CSMD1: variants seen among roughly 807,000 people sequenced by gnomAD.
The protein encoded by CSMD1 is CUB and sushi domain-containing protein 1.
In CSMD1, 213 loss-of-function variants were observed where a neutral mutation model predicts 417.5. That is an observed-to-expected ratio of 0.51 (90% confidence interval 0.46 to 0.57). The LOEUF (loss-of-function observed/expected upper bound fraction) is 0.57, where lower values mean the gene tolerates loss of function less well. Ranked by LOEUF, CSMD1 falls within the 20% of genes least tolerant of loss-of-function variation. CSMD1 has a pLI of 0.00. For missense variants in CSMD1, 6,923 were observed against 4,529.7 expected, an observed-to-expected ratio of 1.53 and a Z score of -15.17; for synonymous variants, 2,862 against 1,736.8, an observed-to-expected ratio of 1.65 and a Z score of -16.11.
At chr8:3,810,798 C>G (rs1205019121) in intron 5 of CSMD1, among the ~76,000 whole-genome samples, 4 of 152,276 alleles carry the variant, frequency 2.6e-5, no homozygotes, top group South Asian at 2.1e-4. Flanking sequence ...GGCACATCAT[C>G]AGGCTGACCT....
At position 4,312,410 on chromosome 8, in the gene CSMD1, T is replaced by TATATACGTACGCATATATATATATATAC. The variant is rs1563435181; in HGVS notation, c.415+107542_415+107543insGTATATATATATATATGCGTACGTATAT. On this transcript the variant is annotated intron_variant, in intron 3 of 69. Coordinates refer to ENST00000635120, the MANE Select transcript of CSMD1 (RefSeq NM_033225.6). ...ATATATATACATACATATATATGCG[T>TATATACGTACGCATATATATATATATAC]GTATATATATGCGCGTATATATATA... is the stretch of plus-strand genomic sequence containing the variant. Among the ~76,000 whole-genome samples, 18 of 124,598 alleles carry TATATACGTACGCATATATATATATATAC rather than the reference T, an allele frequency of 1.4e-4. 1 individual carries two copies. The highest frequency in any genetic ancestry group is 5.5e-4 in the African/African-American group (11 of 19,948). 81.7% of individuals were successfully genotyped at this position (124,598 alleles called of 152,430 possible). A position where few individuals can be genotyped will look rare whatever the true frequency, so the allele number is the denominator to read the frequency against.
At chr8:3,791,738 G>T (rs182494838) in intron 5 of CSMD1, among the ~76,000 whole-genome samples, 3 of 152,046 alleles carry the variant, frequency 2.0e-5, no homozygotes, top group Admixed American at 6.6e-5. Context: ...CAAGAGAATC[G>T]CTTGAGCCTG....
intron 1 of CSMD1, among the ~76,000 whole-genome samples, chr8:4,781,442 G>A (rs1041605559): frequency 5.9e-5 from 9 of 152,270 alleles, no homozygotes; most frequent in South Asian, 2.1e-4. Flanking sequence ...ATAACTGACC[G>A]TCATCTTATC....
chr8:4,141,584 T>C (rs557695593), intron 3 of CSMD1, among the ~76,000 whole-genome samples: 1 of 151,242 alleles, frequency 6.6e-6, no homozygotes, highest in South Asian at 2.1e-4. Context: ...AACGAGTAAC[T>C]GTACTAAGAA....
intron 2 of CSMD1, among the ~76,000 whole-genome samples, chr8:4,430,232 T>C (rs1797796317): frequency 1.3e-5 from 2 of 152,156 alleles, no homozygotes; most frequent in Admixed American, 6.5e-5. Flanking sequence ...TCTCATGCCA[T>C]GAATACTGGG....
intron 5 of CSMD1, among the ~76,000 whole-genome samples, chr8:3,976,467 G>A (rs543750717): frequency 3.9e-5 from 6 of 152,040 alleles, no homozygotes; most frequent in Admixed American, 1.3e-4. Context: ...GCTGTCTCCC[G>A]GGTCTAGAAG....
rs543685742 is a variant in CSMD1 at position 4,204,134 on chromosome 8, C to T, written c.416-172035G>A. 2.6e-5 allele frequency among the ~76,000 whole-genome samples: 4 copies of T among 152,192 alleles called. No homozygotes were observed. In the East Asian group the frequency reaches 7.7e-4, roughly 29 times the overall value. ...AAACAAAACCTAAAACTTAAAGGAT[C>T]TGTCAGTTTTCAAGTCCTGAAATTC... On this transcript the variant is annotated intron_variant, in intron 3 of 69. Coordinates refer to ENST00000635120, the MANE Select transcript of CSMD1 (RefSeq NM_033225.6).
At chr8:4,635,205 G>GA (rs1265346684) in intron 2 of CSMD1, among the ~76,000 whole-genome samples, 2 of 151,880 alleles carry the variant, frequency 1.3e-5, no homozygotes, top group Admixed American at 6.6e-5. Context: ...GCAAGTAAAA[G>GA]AAAAAAACAT....
At chr8:3,737,648 C>G (rs935015911) in intron 6 of CSMD1, among the ~76,000 whole-genome samples, 4 of 152,016 alleles carry the variant, frequency 2.6e-5, no homozygotes, top group African/African-American at 7.3e-5. Context: ...CCTTGGTTGC[C>G]CCAACAATCC....
intron 5 of CSMD1, among the ~76,000 whole-genome samples, chr8:3,762,766 G>T: frequency 6.6e-6 from 1 of 152,214 alleles, no homozygotes; most frequent in East Asian, 1.9e-4. Flanking sequence ...TTCCCAGAGA[G>T]AGAAAGAGTT....
At chr8:3,468,285 G>T (rs566723985) in intron 12 of CSMD1, among the ~76,000 whole-genome samples, 1 of 152,032 alleles carries the variant, frequency 6.6e-6, no homozygotes, top group Non-Finnish European at 1.5e-5. Context: ...ACAGGCACAG[G>T]GCTTTCATTT....
At chr8:4,694,535 G>T (rs1806992478) in intron 1 of CSMD1, among the ~76,000 whole-genome samples, 1 of 151,328 alleles carries the variant, frequency 6.6e-6, no homozygotes, top group Non-Finnish European at 1.5e-5. Flanking sequence ...TTTTTTGGGG[G>T]GGTATTTTTA....
chr8:4,883,994 T>G (rs1803570585), intron 1 of CSMD1, among the ~76,000 whole-genome samples: 1 of 152,008 alleles, frequency 6.6e-6, no homozygotes, highest in Non-Finnish European at 1.5e-5. Context: ...CTACAATACT[T>G]GCTATTGTCT....
intron 5 of CSMD1, among the ~76,000 whole-genome samples, chr8:3,913,036 C>T (rs187255368): frequency 1.3e-4 from 20 of 152,126 alleles, no homozygotes; most frequent in African/African-American, 4.8e-4. Context: ...TGGAGAGAAT[C>T]GTGACTTTAG....
At chr8:4,029,409 A>T (rs1811888682) in intron 4 of CSMD1, among the ~76,000 whole-genome samples, 1 of 152,218 alleles carries the variant, frequency 6.6e-6, no homozygotes, top group Non-Finnish European at 1.5e-5. Flanking sequence ...GTGGAAGGCA[A>T]GGAGGACCTA....
chr8:4,189,889 T>C (rs1798912857), intron 3 of CSMD1, among the ~76,000 whole-genome samples: 1 of 152,126 alleles, frequency 6.6e-6, no homozygotes. Context: ...CTTGAATCAT[T>C]TCTAAGCCAT....
chr8:4,172,190 C>G (rs1043049999), intron 3 of CSMD1, among the ~76,000 whole-genome samples: 2 of 152,118 alleles, frequency 1.3e-5, no homozygotes, highest in Non-Finnish European at 2.9e-5. Flanking sequence ...ATGAGAAAAA[C>G]TCTACGCCAT....
intron 51 of CSMD1, among the ~76,000 whole-genome samples, chr8:3,021,579 C>G (rs1239093911): frequency 6.6e-6 from 1 of 152,236 alleles, no homozygotes; most frequent in Non-Finnish European, 1.5e-5. Context: ...CCTCTGAACT[C>G]TGGGAGCAAG....
intron 5 of CSMD1, among the ~76,000 whole-genome samples, chr8:3,852,371 C>G (rs1460128686): frequency 1.3e-5 from 2 of 152,116 alleles, no homozygotes; most frequent in Admixed American, 6.5e-5. Flanking sequence ...GACACCCTCT[C>G]TACTCCCAGC....
Sources: gnomAD v4.1 joint callset for allele counts (sites outside exome capture counted in the v4.1 genomes callset) on GRCh38, gnomAD v4.1.1 for gene constraint, MANE v1.5 for transcripts, NCBI Gene and HGNC (gene_info 2026-07-23, HGNC 2026-07-21) for gene names.